The following C10orf67 variants were observed in gnomAD, a reference collection of about 807,000 sequenced individuals.
C10orf67 encodes chromosome 10 open reading frame 67, also known as uncharacterized protein C10orf67, mitochondrial.
Under a neutral mutation model 35.6 loss-of-function variants are expected in C10orf67, and 60 were observed. That is an observed-to-expected ratio of 1.68 (90% CI 1.37 to 2.09). The LOEUF (loss-of-function observed/expected upper bound fraction) is 2.09. C10orf67 is among the 30% of genes most tolerant of loss of function. The probability of loss-of-function intolerance (pLI) is 0.00; values close to 1 mark genes in which losing one functional copy is unlikely to be tolerated. For missense variants in C10orf67, 474 were observed against 330.2 expected, an observed-to-expected ratio of 1.44 and a Z score of -3.38; for synonymous variants, 167 against 115.8, an observed-to-expected ratio of 1.44 and a Z score of -2.84.
At chr10:23,276,967 G>A (rs553158909) in intron 8 of C10orf67, among the ~76,000 whole-genome samples, 30 of 152,122 alleles carry the variant, frequency 2.0e-4, no homozygotes, top group Non-Finnish European at 4.1e-4. Flanking sequence ...AAACGGATAA[G>A]ACATTTCACT....
intron 13 of C10orf67, among the ~76,000 whole-genome samples, chr10:23,226,216 G>T (rs1374254254): frequency 6.6e-6 from 1 of 152,122 alleles, no homozygotes; most frequent in Non-Finnish European, 1.5e-5. Context: ...AAATGTAAAA[G>T]AACACAAATT....
intron 8 of C10orf67, among the ~76,000 whole-genome samples, chr10:23,281,591 A>T (rs1188689894): frequency 1.3e-5 from 2 of 152,310 alleles, no homozygotes; most frequent in Middle Eastern, 3.4e-3. Flanking sequence ...AAAAGAACAT[A>T]AAAAGGCAGT....
intron 8 of C10orf67, among the ~76,000 whole-genome samples, chr10:23,280,025 T>C (rs1843322224): frequency 6.6e-6 from 1 of 151,950 alleles, no homozygotes; most frequent in African/African-American, 2.4e-5. Flanking sequence ...AGCTAATCTT[T>C]TTTATTTTAT....
At chr10:23,326,524 G>T (rs1357222005) in intron 2 of C10orf67, among the ~76,000 whole-genome samples, 15 of 152,052 alleles carry the variant, frequency 9.9e-5, no homozygotes, top group Admixed American at 9.8e-4. Context: ...GAAATAATTT[G>T]GGCTGGAAAG....
intron 13 of C10orf67, among the ~76,000 whole-genome samples, chr10:23,228,693 A>G (rs187421003): frequency 0.014 from 2,082 of 152,324 alleles, 139 homozygotes; most frequent in Admixed American, 0.11. Context: ...TACTCTTCTG[A>G]CAAAGGGCTA....
At chr10:23,329,817 G>GAAAAA (rs1845373579) in intron 2 of C10orf67, among the ~76,000 whole-genome samples, 1 of 78,708 alleles carries the variant, frequency 1.3e-5, no homozygotes, top group Admixed American at 1.3e-4. Flanking sequence ...AAAAAAAAAA[G>GAAAAA]AAAAGAAAAG....
intron 15 of C10orf67, among the ~76,000 whole-genome samples, chr10:23,216,585 G>A (rs1398599124): frequency 6.6e-6 from 1 of 151,936 alleles, no homozygotes; most frequent in Non-Finnish European, 1.5e-5. Flanking sequence ...CCCATCAACA[G>A]CAGAATGAAT....
chr10:23,252,458 T>C (rs1400456068), intron 10 of C10orf67, among the ~76,000 whole-genome samples: 1 of 152,246 alleles, frequency 6.6e-6, no homozygotes, highest in Non-Finnish European at 1.5e-5. Flanking sequence ...CAAGTGCTTT[T>C]CTTGTTCTCT....
chr10:23,294,343 A>G (rs950317087), intron 5 of C10orf67, among the ~76,000 whole-genome samples: 4 of 152,104 alleles, frequency 2.6e-5, no homozygotes, highest in Admixed American at 6.6e-5. Flanking sequence ...GCCAGCTCCA[A>G]TTGAAATTAA....
At chr10:23,284,724 A>C (rs557142327) in intron 7 of C10orf67, among the ~76,000 whole-genome samples, 69 of 151,200 alleles carry the variant, frequency 4.6e-4, no homozygotes, top group African/African-American at 1.3e-3. Flanking sequence ...AACAAACAAA[A>C]AAACCTAAAA....
At chr10:23,224,055 T>C (rs1170906213) in intron 13 of C10orf67, among the ~76,000 whole-genome samples, 1 of 152,212 alleles carries the variant, frequency 6.6e-6, no homozygotes, top group Non-Finnish European at 1.5e-5. Flanking sequence ...GTATCTCTTC[T>C]GACTCTACTT....
intron 10 of C10orf67, among the ~76,000 whole-genome samples, chr10:23,263,473 C>T (rs1182435250): frequency 2.0e-5 from 3 of 152,118 alleles, no homozygotes; most frequent in Non-Finnish European, 2.9e-5. Context: ...TTATCTAACA[C>T]TTCTTGAATG....
chr10:23,213,908 A>G (rs1291102826), intron 15 of C10orf67, among the ~76,000 whole-genome samples: 1 of 152,140 alleles, frequency 6.6e-6, no homozygotes, highest in Non-Finnish European at 1.5e-5. Context: ...AGATTTTACT[A>G]AAGAGAACTA....
intron 7 of C10orf67, among the ~76,000 whole-genome samples, chr10:23,284,995 C>A (rs1843490114): frequency 6.6e-6 from 1 of 152,136 alleles, no homozygotes; most frequent in African/African-American, 2.4e-5. Context: ...AACTAATAAA[C>A]ATTGCTGAAC....
intron 8 of C10orf67, among the ~76,000 whole-genome samples, chr10:23,276,829 T>C (rs1429974317): frequency 1.3e-5 from 2 of 152,226 alleles, no homozygotes; most frequent in Non-Finnish European, 2.9e-5. Flanking sequence ...TAATGGCTTA[T>C]ATTTATGTAA....
At chr10:23,268,907 C>T (rs1842949800) in intron 8 of C10orf67, among the ~76,000 whole-genome samples, 1 of 152,146 alleles carries the variant, frequency 6.6e-6, no homozygotes, top group South Asian at 2.1e-4. Flanking sequence ...CATATTCAAA[C>T]ATAGAAAAGT....
intron 2 of C10orf67, among the ~76,000 whole-genome samples, chr10:23,332,724 A>G (rs1194503504): frequency 6.6e-6 from 1 of 152,114 alleles, no homozygotes; most frequent in African/African-American, 2.4e-5. Flanking sequence ...TCAAAATTTG[A>G]CAAAGCTGGA....
intron 1 of C10orf67, among the ~76,000 whole-genome samples, chr10:23,334,753 C>T (rs1170263084): frequency 6.6e-6 from 1 of 152,190 alleles, no homozygotes; most frequent in Non-Finnish European, 1.5e-5. Flanking sequence ...GGTTTTTAGA[C>T]TCCTACAAAG....
At chr10:23,268,709 G>A (rs1842945106) in intron 8 of C10orf67, among the ~76,000 whole-genome samples, 1 of 152,214 alleles carries the variant, frequency 6.6e-6, no homozygotes, top group African/African-American at 2.4e-5. Flanking sequence ...TGAGAAATGT[G>A]TCATTAGGCA....
Sources: gnomAD v4.1 joint callset for allele counts (sites outside exome capture counted in the v4.1 genomes callset) on GRCh38, gnomAD v4.1.1 for gene constraint, MANE v1.5 for transcripts, NCBI Gene and HGNC (gene_info 2026-07-23, HGNC 2026-07-21) for gene names.